EEF2K: variants seen among roughly 807,000 people sequenced by gnomAD.
The protein encoded by EEF2K is eukaryotic elongation factor 2 kinase.
In EEF2K, 70 loss-of-function variants were observed where a neutral mutation model predicts 93.8. The observed-to-expected ratio is 0.75, with a 90% CI of 0.62 to 0.91. The LOEUF (loss-of-function observed/expected upper bound fraction) is 0.91, where lower values mean the gene tolerates loss of function less well. Ranked by LOEUF, EEF2K falls within the 40% of genes least tolerant of loss-of-function variation. The pLI, the probability that EEF2K is intolerant of heterozygous loss-of-function variation, is 0.00. For synonymous variants in EEF2K, 376 were observed against 380.8 expected (o/e 0.99, Z 0.15); for missense variants, 935 against 972.9 (o/e 0.96, Z 0.52).
intron 2 of EEF2K, among the ~76,000 whole-genome samples, chr16:22,232,957 A>G (rs911639313): frequency 9.9e-5 from 15 of 152,194 alleles, no homozygotes; most frequent in Non-Finnish European, 1.9e-4. Flanking sequence ...CCTCCAAGGA[A>G]CACACCCAGC....
rs151013717 is a variant in EEF2K at position 22,273,728 on chromosome 16, G to A, written c.1867G>A (p.Gly623Ser). The A allele has an allele frequency of 1.0e-4, 161 of 1,613,848 alleles. No homozygotes were observed. In the African/African-American group the frequency reaches 1.6e-3, roughly 16 times the overall value. Residue 623 changes from glycine (G) to serine (S), a missense_variant, in exon 16 of 18, where the codon GGC becomes AGC. Coordinates refer to ENST00000263026, the MANE Select transcript of EEF2K (RefSeq NM_013302.5). Reference protein sequence around the residue: ...MILVARAFDSGQNLSPDRCQD... With the variant: ...MILVARAFDSSQNLSPDRCQD... ...CCTAGTGGCGCGAGCTTTTGACTCTGGCCAGAACCTCAGCCCGGACAGGTA... is the reference window on the plus strand; with the variant it reads ...CCTAGTGGCGCGAGCTTTTGACTCTAGCCAGAACCTCAGCCCGGACAGGTA...
chr16:22,238,775 C>A (rs942220729), intron 2 of EEF2K, among the ~76,000 whole-genome samples: 1 of 151,302 alleles, frequency 6.6e-6, no homozygotes, highest in Non-Finnish European at 1.5e-5. Context: ...GAAGAAGGTT[C>A]ATAGCCACTG....
chr16:22,221,065 G>T (rs552876917), intron 1 of EEF2K, among the ~76,000 whole-genome samples: 2 of 152,162 alleles, frequency 1.3e-5, no homozygotes, highest in Non-Finnish European at 2.9e-5. Context: ...TTGCCCAGAG[G>T]ATAAGAAACA....
chr16:22,279,944 C>T (rs374152389), intron 16 of EEF2K, among the ~76,000 whole-genome samples: 1 of 152,190 alleles, frequency 6.6e-6, no homozygotes, highest in East Asian at 1.9e-4. Context: ...TGCAGTGGGC[C>T]GAGATTGCAC....
chr16:22,260,726 A>G (rs2141676302), intron 11 of EEF2K, among the ~76,000 whole-genome samples, 197 bp downstream of exon 11: 1 of 152,320 alleles, frequency 6.6e-6, no homozygotes. Context: ...CCTCTGAGAA[A>G]AGGTGGGTCC....
intron 2 of EEF2K, among the ~76,000 whole-genome samples, chr16:22,235,850 T>C (rs2047162587): frequency 6.6e-6 from 1 of 152,100 alleles, no homozygotes; most frequent in African/African-American, 2.4e-5. Context: ...CAGGCTGGAG[T>C]GCAGTGGCAC....
At chr16:22,266,649 C>T (rs202094091) in intron 14 of EEF2K, 39 bp from the exon 15 acceptor site, 201 of 1,586,706 alleles carry the variant, frequency 1.3e-4, no homozygotes, top group South Asian at 6.4e-4. Context: ...GGCTTTGGCC[C>T]GCCAGACAGC....
chr16:22,216,464 G>A (rs1175551999), intron 1 of EEF2K, among the ~76,000 whole-genome samples: 3 of 152,158 alleles, frequency 2.0e-5, no homozygotes, highest in Admixed American at 6.6e-5. Context: ...AAGCAGATAA[G>A]TAGCTCTTCT....
chr16:22,287,560 C>G lies in EEF2K; in HGVS notation c.*3564C>G, dbSNP rs1172015293. The G allele has an allele frequency of 6.6e-6, 1 of 152,132 alleles. No homozygotes were observed. The highest frequency in any genetic ancestry group is 1.5e-5 in the Non-Finnish European group (1 of 68,032). 9.4% of individuals were successfully genotyped at this position (152,132 alleles called of 1,614,324 possible). A position where few individuals can be genotyped will look rare whatever the true frequency, so the allele number is the denominator to read the frequency against. The stretch of plus-strand genomic sequence containing the variant: ...CTGCTAGCAAGCCACTAAGCTGGAG[C>G]TGGGATTTGAGAGCTGCTGCTATTT... On this transcript the variant is annotated 3_prime_UTR_variant, in exon 18 of 18. Transcript: ENST00000263026.
rs1001168631 is a variant in EEF2K at position 22,237,238 on chromosome 16, C to T, written c.247-7392C>T. ...AGGATTACAGGCATGAGCCACCACA[C>T]CCGGCCCATAGCCCTCTGTTCTATG... is the stretch of plus-strand genomic sequence containing the variant. On this transcript the variant is annotated intron_variant, in intron 2 of 17. Transcript: ENST00000263026. Among the ~76,000 whole-genome samples, 7 of 152,028 alleles carry T rather than the reference C, an allele frequency of 4.6e-5. No individual in the cohort carries two copies. In the South Asian group the frequency reaches 8.3e-4, roughly 18 times the overall value.
At chr16:22,245,388 T>C (rs1182724015) in intron 3 of EEF2K, among the ~76,000 whole-genome samples, 1 of 152,174 alleles carries the variant, frequency 6.6e-6, no homozygotes, top group Non-Finnish European at 1.5e-5. Context: ...AAGCATCAAC[T>C]ATACTTGCCC....
rs1240898420 is a variant in EEF2K at position 22,266,270 on chromosome 16, C to T, written c.1441-120C>T. ...ATGTTTTGCCAATAAACTTTGACAT[C>T]GTGAGGGTTCACTCCCCATCTCCCT... is the stretch of plus-strand genomic sequence containing the variant. On this transcript the variant is annotated intron_variant, in intron 13 of 17. Coordinates refer to ENST00000263026, the MANE Select transcript of EEF2K (RefSeq NM_013302.5). The T allele has an allele frequency of 8.5e-6, 12 of 1,403,546 alleles. No homozygotes were observed. The South Asian group carries it at 8.9e-5, about 10-fold the overall frequency. The allele number at this position is 1,403,546 out of a possible 1,614,324, so 86.9% of individuals were successfully genotyped here. A position where few individuals can be genotyped will look rare whatever the true frequency, so the allele number is the denominator to read the frequency against.
In EEF2K at chr16:22,284,107, T is replaced by C; in HGVS notation, c.*111T>C. 2 of 972,658 alleles carry C rather than the reference T, an allele frequency of 2.1e-6. No homozygotes were observed. The highest frequency in any genetic ancestry group is 3.1e-6 in the Non-Finnish European group (2 of 653,034). 60.3% of individuals were successfully genotyped at this position (972,658 alleles called of 1,614,324 possible). A position where few individuals can be genotyped will look rare whatever the true frequency, so the allele number is the denominator to read the frequency against. On this transcript the variant is annotated 3_prime_UTR_variant, in exon 18 of 18. Coordinates refer to ENST00000263026, the MANE Select transcript of EEF2K (RefSeq NM_013302.5). ...GGGAGGGGAAGCATTTTTAAGTGTG[T>C]TGTAAAATCAAATTTTATATTTCAT...
chr16:22,207,323 T>A (rs2046873272), intron 1 of EEF2K, among the ~76,000 whole-genome samples: 2 of 151,972 alleles, frequency 1.3e-5, no homozygotes, highest in South Asian at 4.1e-4. Context: ...ATGGGCCGCA[T>A]GGGGAAGTGA....
rs2047430673 is a variant in EEF2K, at chr16:22,258,561, C to A, written c.1097C>A (p.Ser366Tyr). 1 of 1,614,128 alleles carries A rather than the reference C, an allele frequency of 6.2e-7. No individual in the cohort carries two copies. The highest frequency in any genetic ancestry group is 8.5e-7 in the Non-Finnish European group (1 of 1,180,026). Residue 366 changes from serine (S) to tyrosine (Y), a missense_variant, in exon 10 of 18, where the codon TCT (serine) becomes TAT (tyrosine). Transcript: ENST00000263026. ...KCGSPQVRTL[S>Y]GSRPPLLRPL... ...GGGAGCCCCCAAGTAAGGACCCTCT[C>A]TGGGAGCCGGCCACCCCTGCTCCGT... is the stretch of plus-strand genomic sequence containing the variant.
intron 6 of EEF2K, among the ~76,000 whole-genome samples, chr16:22,251,573 T>C (rs1328811995): frequency 1.3e-5 from 2 of 151,968 alleles, no homozygotes; most frequent in South Asian, 4.2e-4. Context: ...TACAGGTGCC[T>C]GCCACCACAT....
Position 22,280,348 on chromosome 16 carries a change from C to A in EEF2K, c.2040C>A (p.Tyr680Ter). Reference protein sequence around the residue: ...REAEMLFTGGYGLEKDPQRSG... With the variant: ...REAEMLFTGG ...CCGAGATGCTGTTCACAGGAGGCTA[C>A]GGGCTGGAGAAGGACCCGCAGAGAT... The change falls in exon 17 of 18, where the codon TAC (tyrosine) becomes TAA (stop). Residue 680 changes from tyrosine (Y) to a stop codon, truncating the protein, a stop_gained. Coordinates refer to ENST00000263026, the MANE Select transcript of EEF2K (RefSeq NM_013302.5). LOFTEE classifies it high-confidence loss of function. 1 of 1,593,358 alleles carries A rather than the reference C, an allele frequency of 6.3e-7. No homozygotes were observed.
Position 22,266,712 on chromosome 16 carries a change from CA to C in EEF2K, c.1601del (p.His534ProfsTer49). 1 of 1,612,578 alleles carries C rather than the reference CA, an allele frequency of 6.2e-7. No individual in the cohort carries two copies. The highest frequency in any genetic ancestry group is 8.5e-7 in the Non-Finnish European group (1 of 1,179,200). On this transcript the variant is annotated frameshift_variant, in exon 15 of 18. Transcript: ENST00000263026. LOFTEE classifies it high-confidence loss of function. Reference protein sequence around the residue: ...GKVHLAMVRYHEGGRFCEKGE... With the variant: ...GKVHLAMVRYXEGGRFCEKGE... Reference sequence around the variant, plus strand: ...GGTCCATCTGGCCATGGTGCGCTACCACGAGGGTGGGCGCTTCTGCGAGAAG... The same window carrying C: ...GGTCCATCTGGCCATGGTGCGCTACCCGAGGGTGGGCGCTTCTGCGAGAAG...
At chr16:22,207,980 C>T (rs1012522355) in intron 1 of EEF2K, among the ~76,000 whole-genome samples, 3 of 152,146 alleles carry the variant, frequency 2.0e-5, no homozygotes, top group East Asian at 1.9e-4. Flanking sequence ...TTCTGTGTGG[C>T]CTCCACAGCA....
Sources: gnomAD v4.1 joint callset for allele counts (sites outside exome capture counted in the v4.1 genomes callset) on GRCh38, gnomAD v4.1.1 for gene constraint, MANE v1.5 for transcripts, NCBI Gene and HGNC (gene_info 2026-07-23, HGNC 2026-07-21) for gene names.